The following CFAP161 variants were observed in gnomAD, a reference collection of about 807,000 sequenced individuals.
CFAP161 encodes the protein cilia and flagella associated protein 161, also known as cilia- and flagella-associated protein 161.
CFAP161 carries 25 observed loss-of-function variants against 29.0 expected under a neutral mutation model. The observed-to-expected ratio is 0.86, with a 90% CI of 0.63 to 1.20. The LOEUF is 1.20. CFAP161 is among the 50% of genes most tolerant of loss of function. The probability of loss-of-function intolerance (pLI) is 0.00; values close to 1 mark genes in which losing one functional copy is unlikely to be tolerated. For synonymous variants in CFAP161, 116 were observed against 137.4 expected (o/e 0.84, Z 1.09); for missense variants, 367 against 371.9 (o/e 0.99, Z 0.11).
At chr15:81,124,742 G>T (rs1472766476) in intron 1 of CFAP161, among the ~76,000 whole-genome samples, 1 of 152,062 alleles carries the variant, frequency 6.6e-6, no homozygotes, top group African/African-American at 2.4e-5. Context: ...TCTTGGGAGG[G>T]TGTATGTGTC....
chr15:81,111,458 C>T (rs74785829), intron 1 of CFAP161, among the ~76,000 whole-genome samples: 188 of 152,368 alleles, frequency 1.2e-3, no homozygotes, highest in African/African-American at 4.3e-3. Flanking sequence ...CTGGGGCTAT[C>T]TTTAACTAGG....
At chr15:81,109,697 T>C (rs1471631719) in intron 1 of CFAP161, among the ~76,000 whole-genome samples, 1 of 152,102 alleles carries the variant, frequency 6.6e-6, no homozygotes, top group East Asian at 1.9e-4. Flanking sequence ...GGGTAAGACC[T>C]TATCTCAAAA....
intron 4 of CFAP161, among the ~76,000 whole-genome samples, chr15:81,140,372 G>A (rs1215075710): frequency 6.6e-6 from 1 of 152,098 alleles, no homozygotes; most frequent in East Asian, 1.9e-4. Context: ...TTGATAAAGG[G>A]TTTTATGTGA....
At position 81,143,767 on chromosome 15, in the gene CFAP161, G is replaced by A; in HGVS notation, c.583G>A (p.Ala195Thr). The part of the protein sequence containing the change: ...DEVSHVNCWQ[A>T]AFPDPQLRLE... Reference sequence around the variant, plus strand: ...GGTCTCCCATGTGAACTGCTGGCAGGCTGCCTTCCCTGACCCCCAGTTACG... The same window carrying A: ...GGTCTCCCATGTGAACTGCTGGCAGACTGCCTTCCCTGACCCCCAGTTACG... The change falls in exon 5 of 7, where the codon GCT (alanine) becomes ACT (threonine). Residue 195 changes from alanine to threonine, a missense_variant. Ala to Thr is a moderately conservative substitution (Grantham distance 58). Transcript: ENST00000286732. 6.2e-7 allele frequency: 1 copy of A among 1,614,136 alleles called. No individual in the cohort carries two copies. The highest frequency in any genetic ancestry group is 2.2e-5 in the East Asian group (1 of 44,878).
chr15:81,110,609 A>G (rs540739032), intron 1 of CFAP161, among the ~76,000 whole-genome samples: 1 of 152,330 alleles, frequency 6.6e-6, no homozygotes, highest in South Asian at 2.1e-4. Flanking sequence ...CATACCCACC[A>G]GAGTGTTAAC....
intron 1 of CFAP161, among the ~76,000 whole-genome samples, chr15:81,113,986 A>T (rs1030586233): frequency 6.6e-6 from 1 of 152,238 alleles, no homozygotes; most frequent in African/African-American, 2.4e-5. Flanking sequence ...TCATTCAGGA[A>T]ATTCCAAGGG....
Position 81,138,701 on chromosome 15 carries a change from G to A in CFAP161, c.477+566G>A, listed in dbSNP as rs1460738126. Among the ~76,000 whole-genome samples the A allele has an allele frequency of 2.6e-5, 4 of 152,246 alleles. No homozygotes were observed. In the East Asian group the frequency reaches 7.7e-4, roughly 29 times the overall value. ...GGGTAAGTTATTTAATGCTTTTTGA[G>A]CCTGTTTCTCATCCATAAGATGGTG... is the stretch of plus-strand genomic sequence containing the variant. On this transcript the variant is annotated intron_variant, in intron 4 of 6. Transcript: ENST00000286732.
chr15:81,134,472 C>G, intron 1 of CFAP161, 74 bp downstream of exon 1: 1 of 1,452,042 alleles, frequency 6.9e-7, no homozygotes. Flanking sequence ...CAGTCTCCTA[C>G]TTTGAGCGCC....
chr15:81,148,766 C>T lies in CFAP161; in HGVS notation c.*233C>T. Reference sequence around the variant, plus strand: ...GTATTTGAAAGTGACAAACAATAGCCTTTTGTTGATAAACAAATTCTGAAG... The same window carrying T: ...GTATTTGAAAGTGACAAACAATAGCTTTTTGTTGATAAACAAATTCTGAAG... On this transcript the variant is annotated 3_prime_UTR_variant, in exon 7 of 7. Coordinates refer to ENST00000286732, the MANE Select transcript of CFAP161 (RefSeq NM_173528.4). 1 of 381,854 alleles carries T rather than the reference C, an allele frequency of 2.6e-6. No homozygotes were observed. Among genetic ancestry groups the T allele is most frequent in the East Asian group, 4.0e-5 (1 of 25,042 alleles). 23.7% of individuals were successfully genotyped at this position (381,854 alleles called of 1,614,324 possible).
chr15:81,107,515 C>A (rs151169795), intron 1 of CFAP161, among the ~76,000 whole-genome samples: 1 of 152,110 alleles, frequency 6.6e-6, no homozygotes, highest in African/African-American at 2.4e-5. Context: ...CACCTGAGGT[C>A]GGGACTTTGA....
At chr15:81,133,225 G>A (rs2683252), upstream of CFAP161, among the ~76,000 whole-genome samples, 5,344 of 25,278 alleles carry the variant, frequency 0.21, 507 homozygotes, top group Non-Finnish European at 0.34. Flanking sequence ...ATATATATAT[G>A]TATTTTTTTT....
chr15:81,113,960 A>G (rs993783206), intron 1 of CFAP161, among the ~76,000 whole-genome samples: 2 of 152,248 alleles, frequency 1.3e-5, no homozygotes, highest in African/African-American at 2.4e-5. Context: ...ATTATGAATA[A>G]CAAAAGACAT....
rs115579985 is a variant in CFAP161 at position 81,148,930 on chromosome 15, C to A, written c.*397C>A. The A allele has an allele frequency of 2.8e-3, 435 of 155,270 alleles. 5 individuals carry two copies. The highest frequency in any genetic ancestry group is 0.01 in the African/African-American group (419 of 41,656). 9.6% of individuals were successfully genotyped at this position (155,270 alleles called of 1,614,324 possible). On this transcript the variant is annotated 3_prime_UTR_variant, in exon 7 of 7. Transcript: ENST00000286732. ...AGTTTCCCTCTTGAATGTACTAAAACACAAAAAACTGACAGCTCTGAGCTG... is the reference window on the plus strand; with the variant it reads ...AGTTTCCCTCTTGAATGTACTAAAAAACAAAAAACTGACAGCTCTGAGCTG...
chr15:81,132,087 GC>G (rs1338395307), upstream of CFAP161, among the ~76,000 whole-genome samples: 1 of 152,128 alleles, frequency 6.6e-6, no homozygotes, highest in Non-Finnish European at 1.5e-5. Context: ...GACCAGCCTG[GC>G]CAACCTGGTA....
intron 4 of CFAP161, 79 bp from the exon 5 acceptor site, chr15:81,143,583 C>A: frequency 6.9e-7 from 1 of 1,458,116 alleles, no homozygotes. Context: ...TGCTTGCCGT[C>A]CAGCCAGTCA....
At chr15:81,140,108 G>A (rs7175033) in intron 4 of CFAP161, among the ~76,000 whole-genome samples, 23,361 of 151,454 alleles carry the variant, frequency 0.15, 2,344 homozygotes, top group East Asian at 0.51. Context: ...TTGCCTTTGT[G>A]TTGATTTGGG....
rs754151413 is a variant in CFAP161, at chr15:81,135,273, C to T, written c.73C>T (p.Leu25Phe). 1 of 1,586,576 alleles carries T rather than the reference C, an allele frequency of 6.3e-7. No homozygotes were observed. The highest frequency in any genetic ancestry group is 1.9e-5 in the Admixed American group (1 of 53,170). ...WNEDVYLEEE[L>F]MKDFLEKRDK... is the part of the protein sequence containing the mutation. ...CTTTTGTTGATTTTCTGTTTAGGAGCTCATGAAAGACTTCTTAGAGAAGAG... is the reference window on the plus strand; with the variant it reads ...CTTTTGTTGATTTTCTGTTTAGGAGTTCATGAAAGACTTCTTAGAGAAGAG... Residue 25 changes from leucine to phenylalanine, a missense_variant, in exon 2 of 7, where the codon CTC becomes TTC. By Grantham distance (22) the Leu-to-Phe change is conservative. Transcript: ENST00000286732.
chr15:81,141,784 A>G (rs1054475934), intron 4 of CFAP161, among the ~76,000 whole-genome samples: 1 of 151,878 alleles, frequency 6.6e-6, no homozygotes, highest in East Asian at 1.9e-4. Flanking sequence ...TCCCGGGTTC[A>G]AGCGATTCTC....
chr15:81,132,172 GA>G (rs1281857424), upstream of CFAP161, among the ~76,000 whole-genome samples: 1 of 152,140 alleles, frequency 6.6e-6, no homozygotes, highest in Non-Finnish European at 1.5e-5. Context: ...AGGTACTCAG[GA>G]GGCTGAGGCA....
Sources: gnomAD v4.1 joint callset for allele counts (sites outside exome capture counted in the v4.1 genomes callset) on GRCh38, gnomAD v4.1.1 for gene constraint, MANE v1.5 for transcripts, NCBI Gene and HGNC (gene_info 2026-07-23, HGNC 2026-07-21) for gene names.